FSD1L: variants seen among roughly 807,000 people sequenced by gnomAD.
The protein encoded by FSD1L is fibronectin type III and SPRY domain containing 1 like.
FSD1L carries 45 observed loss-of-function variants against 71.6 expected under a neutral mutation model. That is an observed-to-expected ratio of 0.63 (90% confidence interval 0.49 to 0.81). The LOEUF (loss-of-function observed/expected upper bound fraction) is 0.81. Among genes scored for constraint, FSD1L ranks in the 30% least tolerant of loss-of-function variants. FSD1L has a pLI of 0.00. For missense variants in FSD1L, 561 were observed against 618.1 expected (o/e 0.91, Z 0.98); for synonymous variants, 197 against 207.2 (o/e 0.95, Z 0.42).
intron 2 of FSD1L, among the ~76,000 whole-genome samples, chr9:105,462,100 T>G (rs1412730896): frequency 1.3e-5 from 2 of 152,136 alleles, no homozygotes; most frequent in African/African-American, 4.8e-5. Context: ...CAAAAAAATA[T>G]GTAAATGGGA....
intron 7 of FSD1L, among the ~76,000 whole-genome samples, chr9:105,491,396 G>A (rs868815732): frequency 6.6e-6 from 1 of 152,092 alleles, no homozygotes; most frequent in Middle Eastern, 3.4e-3. Flanking sequence ...AGGAGATTTT[G>A]GGCTGAGACA....
At chr9:105,461,081 A>C (rs1413008167) in intron 1 of FSD1L, among the ~76,000 whole-genome samples, 1 of 152,264 alleles carries the variant, frequency 6.6e-6, no homozygotes, top group African/African-American at 2.4e-5. Context: ...TAACATAAGC[A>C]CATAAAGAAA....
intron 5 of FSD1L, among the ~76,000 whole-genome samples, chr9:105,476,140 T>C (rs1258368199): frequency 6.6e-6 from 1 of 152,222 alleles, no homozygotes; most frequent in East Asian, 1.9e-4. Context: ...GTTAACTTTT[T>C]TCTATGTGAC....
Position 105,479,337 on chromosome 9 carries a change from C to G in FSD1L, c.442-17C>G, listed in dbSNP as rs1025288960. 4 of 1,550,364 alleles carry G rather than the reference C, an allele frequency of 2.6e-6. No individual in the cohort carries two copies. The African/African-American group carries it at 4.1e-5, about 16-fold the overall frequency. On this transcript the variant is annotated splice_polypyrimidine_tract_variant and intron_variant, in intron 5 of 13. Transcript: ENST00000481272. The stretch of plus-strand genomic sequence containing the variant: ...CACTAACTTGCCTTCTTTCTCTTCT[C>G]CCTGATTGGCTCCAAGGCTGCCAGA...
chr9:105,442,683 G>T, the FSD1L span, among the ~76,000 whole-genome samples: 1 of 150,104 alleles, frequency 6.7e-6, no homozygotes, highest in Non-Finnish European at 1.5e-5. Context: ...GCCAGACCCT[G>T]TCTCAAAGAA....
At chr9:105,461,317 A>C (rs559860723) in intron 1 of FSD1L, among the ~76,000 whole-genome samples, 1 of 152,206 alleles carries the variant, frequency 6.6e-6, no homozygotes, top group Admixed American at 6.5e-5. Context: ...TGAGATATGC[A>C]TAAGTGTAAA....
At chr9:105,452,711 C>CTTCT (rs1564073523) in intron 1 of FSD1L, among the ~76,000 whole-genome samples, 12 of 149,036 alleles carry the variant, frequency 8.1e-5, no homozygotes, top group African/African-American at 2.7e-4. Context: ...TCCTTCCTTC[C>CTTCT]TTCCTTCTTT....
intron 1 of FSD1L, among the ~76,000 whole-genome samples, chr9:105,449,046 A>G (rs1192203537): frequency 6.6e-6 from 1 of 152,252 alleles, no homozygotes; most frequent in Admixed American, 6.5e-5. Context: ...GTTAGACTAT[A>G]ACGTAATTGA....
intron 1 of FSD1L, among the ~76,000 whole-genome samples, chr9:105,453,494 T>C (rs1239901549): frequency 1.4e-5 from 2 of 145,634 alleles, no homozygotes; most frequent in Non-Finnish European, 3.0e-5. Flanking sequence ...ATTTTTATTT[T>C]GTGTGTGTGT....
intron 1 of FSD1L, among the ~76,000 whole-genome samples, chr9:105,458,668 A>T (rs1041510678): frequency 1.3e-4 from 20 of 152,210 alleles, no homozygotes; most frequent in African/African-American, 4.8e-4. Context: ...ACTGAAAGGC[A>T]TAAAGGAAAT....
intron 13 of FSD1L, among the ~76,000 whole-genome samples, chr9:105,541,660 T>C (rs983689982): frequency 6.6e-6 from 1 of 152,204 alleles, no homozygotes; most frequent in East Asian, 1.9e-4. Context: ...TAAGTCAGTT[T>C]TATTGAATTT....
chr9:105,465,776 G>A (rs1263103721), intron 3 of FSD1L, among the ~76,000 whole-genome samples: 3 of 152,106 alleles, frequency 2.0e-5, no homozygotes, highest in Non-Finnish European at 4.4e-5. Context: ...AAGGCCATAT[G>A]TATAATAACA....
intron 10 of FSD1L, chr9:105,520,720 C>G (rs1311841230): frequency 1.2e-6 from 2 of 1,613,402 alleles, no homozygotes; most frequent in Non-Finnish European, 1.7e-6. Context: ...TGCTTAATCC[C>G]TGGATTTTCA....
rs867120236 is a variant in FSD1L, at chr9:105,546,500, G to A, written c.*17G>A. On this transcript the variant is annotated 3_prime_UTR_variant, in exon 14 of 14. Transcript: ENST00000481272. ...ACTCAATAGTGTCTACTCAGAATACGTTTACCCTCCGTCTTGATTAGGTGG... is the reference window on the plus strand; with the variant it reads ...ACTCAATAGTGTCTACTCAGAATACATTTACCCTCCGTCTTGATTAGGTGG... 8.5e-6 allele frequency: 13 copies of A among 1,521,832 alleles called. No homozygotes were observed. Among genetic ancestry groups the A allele is most frequent in the East Asian group, 2.5e-5 (1 of 40,470 alleles). 94.3% of individuals were successfully genotyped at this position (1,521,832 alleles called of 1,614,324 possible).
At chr9:105,487,425 T>C (rs1252618232) in intron 7 of FSD1L, among the ~76,000 whole-genome samples, 1 of 142,826 alleles carries the variant, frequency 7.0e-6, no homozygotes, top group Non-Finnish European at 1.5e-5. Flanking sequence ...TGCTGTCAGG[T>C]TTTTTTTTTT....
At chr9:105,539,234 A>G (rs923516841) in intron 12 of FSD1L, 29 bp from the exon 13 acceptor site, 3 of 1,046,682 alleles carry the variant, frequency 2.9e-6, no homozygotes, top group Non-Finnish European at 2.8e-6. Flanking sequence ...TTTGTATAAT[A>G]AATTAGGCTT....
intron 8 of FSD1L, among the ~76,000 whole-genome samples, chr9:105,508,060 G>A (rs1008514316): frequency 6.6e-5 from 10 of 151,676 alleles, no homozygotes; most frequent in African/African-American, 2.4e-4. Flanking sequence ...GTAGAGACGG[G>A]GTTTCTCCAT....
Position 105,499,287 on chromosome 9 carries a change from A to G in FSD1L, c.587-7112A>G, listed in dbSNP as rs559561592. On this transcript the variant is annotated intron_variant, in intron 7 of 13. Coordinates refer to ENST00000481272, the MANE Select transcript of FSD1L (RefSeq NM_001145313.3). ...AAGCACAGATACACCACACACATTC[A>G]AATAAATAGTTGCCCTTATTGTTTT... Among the ~76,000 whole-genome samples, 5 of 152,360 alleles carry G rather than the reference A, an allele frequency of 3.3e-5. No individual in the cohort carries two copies. The South Asian group carries it at 1.0e-3, about 32-fold the overall frequency.
intron 2 of FSD1L, among the ~76,000 whole-genome samples, chr9:105,462,251 T>C (rs1300084697): frequency 6.6e-6 from 1 of 151,050 alleles, no homozygotes; most frequent in African/African-American, 2.4e-5. Context: ...AATCTTGCTC[T>C]GTCACCCAGG....
Sources: allele counts gnomAD v4.1 joint callset (sites outside exome capture counted in the v4.1 genomes callset), GRCh38; gene constraint gnomAD v4.1.1; transcripts MANE v1.5; gene names NCBI Gene and HGNC (gene_info 2026-07-23, HGNC 2026-07-21).